Variants in FOCAD observed in about 807,000 individuals in gnomAD.
The protein encoded by FOCAD is KIAA1797.
FOCAD carries 198 observed loss-of-function variants against 225.6 expected under a neutral mutation model. That is an observed-to-expected ratio of 0.88 (90% CI 0.78 to 0.99). The LOEUF (loss-of-function observed/expected upper bound fraction) is 0.99. Among genes scored for constraint, FOCAD ranks in the 50% least tolerant of loss-of-function variants. The pLI, the probability that FOCAD is intolerant of heterozygous loss-of-function variation, is 0.00. For missense variants in FOCAD, 2,713 were observed against 2,123.6 expected, an observed-to-expected ratio of 1.28 and a Z score of -5.46; for synonymous variants, 897 against 755.0, an observed-to-expected ratio of 1.19 and a Z score of -3.08.
chr9:20,954,903 C>T (rs1587710845), intron 35 of FOCAD, among the ~76,000 whole-genome samples: 1 of 152,182 alleles, frequency 6.6e-6, no homozygotes, highest in African/African-American at 2.4e-5. Context: ...TTTACAAAAA[C>T]AAAACCAGAC....
intron 5 of FOCAD, among the ~76,000 whole-genome samples, chr9:20,747,822 G>GTTT (rs34772075): frequency 7.3e-6 from 1 of 136,754 alleles, no homozygotes; most frequent in South Asian, 2.2e-4. Flanking sequence ...CATTTTTAGT[G>GTTT]TTTTTTTTTT....
chr9:20,742,485 G>A (rs934635630), intron 5 of FOCAD, among the ~76,000 whole-genome samples: 2 of 152,168 alleles, frequency 1.3e-5, no homozygotes, highest in Non-Finnish European at 1.5e-5. Flanking sequence ...CAGAGCTACC[G>A]CCGCATCGGC....
Position 20,949,645 on chromosome 9 carries a change from A to G in FOCAD, c.3918A>G (p.Arg1306=). 2 of 1,613,242 alleles carry G rather than the reference A, an allele frequency of 1.2e-6. No individual in the cohort carries two copies. Among genetic ancestry groups the G allele is most frequent in the African/African-American group, 2.7e-5 (2 of 75,012 alleles). ...EAIQTSHFQG[R]LNEVIRTLTQ... ...TCCAGACCTCTCATTTTCAAGGCAG[A>G]CTTAATGAAGTCATTAGAACCTTAA... Residue 1306 remains arginine, a synonymous_variant, in exon 33 of 44, where the codon AGA becomes AGG. Coordinates refer to ENST00000338382, the MANE Select transcript of FOCAD (RefSeq NM_001375567.1).
chr9:20,965,984 A>G (rs2132500103), intron 35 of FOCAD, among the ~76,000 whole-genome samples: 1 of 152,148 alleles, frequency 6.6e-6, no homozygotes, highest in East Asian at 1.9e-4. Flanking sequence ...TGATGCTGTT[A>G]TGAATATTTG....
intron 35 of FOCAD, among the ~76,000 whole-genome samples, chr9:20,973,385 CTTTT>C (rs1193012099): frequency 2.1e-5 from 3 of 144,360 alleles, no homozygotes; most frequent in African/African-American, 5.1e-5. Flanking sequence ...CTTTCTGCAG[CTTTT>C]TTTTTTTTTT....
Position 20,823,081 on chromosome 9 carries a change from T to G in FOCAD, c.1886T>G (p.Val629Gly), listed in dbSNP as rs899951781. ...GATCAAGCTACTCCAGCAGCCTTGG[T>G]ATTACAGGGTCTTCATGCACTCTGT... Reference protein sequence around the residue: ...KPDQATPAALVLQGLHALCQA... With the variant: ...KPDQATPAALGLQGLHALCQA... Residue 629 changes from valine (V) to glycine (G), a missense_variant, in exon 15 of 44, where the codon GTA becomes GGA. By Grantham distance (109) the Val-to-Gly change is moderately radical. Coordinates refer to ENST00000338382, the MANE Select transcript of FOCAD (RefSeq NM_001375567.1). 2.5e-6 allele frequency: 4 copies of G among 1,608,294 alleles called. No homozygotes were observed. Among genetic ancestry groups the G allele is most frequent in the Non-Finnish European group, 3.4e-6 (4 of 1,177,846 alleles).
At chr9:20,758,049 C>A in intron 5 of FOCAD, 41 bp from the exon 6 acceptor site, 1 of 1,395,870 alleles carries the variant, frequency 7.2e-7, no homozygotes, top group South Asian at 1.2e-5. Context: ...AATGTGTAGT[C>A]CTGAATAACA....
chr9:20,864,832 ATCCCCATC>A (rs1352748056), intron 16 of FOCAD, among the ~76,000 whole-genome samples: 1 of 152,100 alleles, frequency 6.6e-6, no homozygotes, highest in Non-Finnish European at 1.5e-5. Flanking sequence ...TACCTATTCA[ATCCCCATC>A]ACTCTTACTA....
intron 39 of FOCAD, among the ~76,000 whole-genome samples, chr9:20,982,826 ATCAG>A (rs1211656262): frequency 6.6e-6 from 1 of 152,254 alleles, no homozygotes; most frequent in Non-Finnish European, 1.5e-5. Flanking sequence ...AAAGTAGCAT[ATCAG>A]TAAAGTTGCC....
intron 35 of FOCAD, among the ~76,000 whole-genome samples, chr9:20,968,431 CTTTTT>C (rs35624897): frequency 2.5e-4 from 11 of 43,636 alleles, no homozygotes; most frequent in East Asian, 9.1e-4. Context: ...TTTTCTTATT[CTTTTT>C]TTTTTTTTTT....
chr9:20,907,743 A>G (rs1026777860), intron 22 of FOCAD, among the ~76,000 whole-genome samples: 14 of 151,564 alleles, frequency 9.2e-5, no homozygotes, highest in Non-Finnish European at 2.9e-5. Flanking sequence ...TGACCCTGCC[A>G]CTCCCTCTTT....
chr9:20,993,140 TG>T, intron 42 of FOCAD, 112 bp from the exon 43 acceptor site: 2 of 763,674 alleles, frequency 2.6e-6, no homozygotes, highest in Middle Eastern at 3.2e-4. Flanking sequence ...TCCCAGCTAC[TG>T]GGGAGGCTGA....
intron 21 of FOCAD, among the ~76,000 whole-genome samples, chr9:20,902,897 C>A (rs1384276267): frequency 6.6e-6 from 1 of 151,772 alleles, no homozygotes; most frequent in Non-Finnish European, 1.5e-5. Context: ...TGTGCAAAGT[C>A]TAATAGATGG....
intron 21 of FOCAD, among the ~76,000 whole-genome samples, chr9:20,889,217 A>G (rs1050061129): frequency 9.9e-5 from 15 of 152,208 alleles, no homozygotes; most frequent in African/African-American, 1.4e-4. Flanking sequence ...TCATATAAAT[A>G]CCATCATACA....
chr9:20,711,505 G>T (rs376269361), intron 1 of FOCAD, among the ~76,000 whole-genome samples: 26 of 152,244 alleles, frequency 1.7e-4, no homozygotes, highest in African/African-American at 6.3e-4. Context: ...AGCATGGAGA[G>T]CCCCAAGACT....
At chr9:20,781,153 A>G (rs1819320323) in intron 9 of FOCAD, among the ~76,000 whole-genome samples, 1 of 152,242 alleles carries the variant, frequency 6.6e-6, no homozygotes, top group South Asian at 2.1e-4. Flanking sequence ...CAGTTATTGT[A>G]TAACTGTATG....
intron 2 of FOCAD, among the ~76,000 whole-genome samples, chr9:20,716,609 A>G (rs1825357473): frequency 6.6e-6 from 1 of 152,042 alleles, no homozygotes; most frequent in African/African-American, 2.4e-5. Context: ...TGTGTTTCAT[A>G]TTAGTTTTAT....
chr9:20,865,283 T>C (rs1200050854), intron 16 of FOCAD, among the ~76,000 whole-genome samples: 1 of 152,064 alleles, frequency 6.6e-6, no homozygotes, highest in Non-Finnish European at 1.5e-5. Flanking sequence ...ATACTGTTGC[T>C]TCCCATTGAA....
intron 1 of FOCAD, among the ~76,000 whole-genome samples, chr9:20,692,550 G>T (rs1823036076): frequency 6.6e-6 from 1 of 152,208 alleles, no homozygotes; most frequent in Non-Finnish European, 1.5e-5. Flanking sequence ...GGCAGCTTAG[G>T]TTGGACTTGG....
Sources: allele counts gnomAD v4.1 joint callset (sites outside exome capture counted in the v4.1 genomes callset), GRCh38; gene constraint gnomAD v4.1.1; transcripts MANE v1.5; gene names NCBI Gene and HGNC (gene_info 2026-07-23, HGNC 2026-07-21).